Variants in PRDM5 observed in about 807,000 individuals in gnomAD.
PRDM5 encodes PR domain zinc finger protein 5.
In PRDM5, 56 loss-of-function variants were observed where a neutral mutation model predicts 81.2. The observed-to-expected ratio is 0.69, with a 90% CI of 0.56 to 0.86. The LOEUF (loss-of-function observed/expected upper bound fraction) is 0.86. Among genes scored for constraint, PRDM5 ranks in the 40% least tolerant of loss-of-function variants. The pLI is 0.00. For missense variants in PRDM5, 697 were observed against 770.1 expected (o/e 0.91, Z 1.12); for synonymous variants, 267 against 256.4 (o/e 1.04, Z -0.39).
intron 14 of PRDM5, among the ~76,000 whole-genome samples, chr4:120,713,299 G>C (rs541371605): frequency 2.6e-4 from 40 of 151,878 alleles, no homozygotes; most frequent in Non-Finnish European, 5.2e-4. Context: ...TCATCTTTTT[G>C]CTTTCAAACA....
intron 2 of PRDM5, among the ~76,000 whole-genome samples, chr4:120,888,521 C>T (rs141491796): frequency 2.6e-5 from 4 of 152,112 alleles, no homozygotes; most frequent in South Asian, 2.1e-4. Flanking sequence ...TACTAGTATA[C>T]GGACATTTGT....
intron 14 of PRDM5, among the ~76,000 whole-genome samples, chr4:120,738,170 C>G (rs1741392558): frequency 6.6e-6 from 1 of 152,208 alleles, no homozygotes. Context: ...TAATCTTAAG[C>G]AGAGATCACC....
rs186157429 is a variant in PRDM5, at chr4:120,891,868, G to A, written c.177+15606C>T. Among the ~76,000 whole-genome samples the A allele has an allele frequency of 9.5e-4, 145 of 152,212 alleles. 1 individual carries two copies. The highest frequency in any genetic ancestry group is 3.2e-3 in the African/African-American group (133 of 41,530). ...TGTTCTCGAACTCCTGACCTCAAGC[G>A]ATCCACCTGCCTCGGTCTCCCAAAG... On this transcript the variant is annotated intron_variant, in intron 2 of 15. Coordinates refer to ENST00000264808, the MANE Select transcript of PRDM5 (RefSeq NM_018699.4).
intron 2 of PRDM5, among the ~76,000 whole-genome samples, chr4:120,868,410 C>T (rs543587464): frequency 2.6e-4 from 40 of 152,252 alleles, no homozygotes; most frequent in African/African-American, 9.4e-4. Context: ...AACAACTTTA[C>T]ATAAGTACAA....
intron 1 of PRDM5, among the ~76,000 whole-genome samples, chr4:120,920,213 A>T (rs1579249017): frequency 1.3e-5 from 2 of 152,228 alleles, no homozygotes; most frequent in African/African-American, 2.4e-5. Flanking sequence ...AGATTCTCTG[A>T]ATTTGAAATC....
intron 8 of PRDM5, among the ~76,000 whole-genome samples, chr4:120,811,159 T>C (rs781630406): frequency 1.4e-5 from 2 of 147,286 alleles, no homozygotes; most frequent in Non-Finnish European, 3.0e-5. Flanking sequence ...GACCTTGTCA[T>C]AACAAGAGCA....
At chr4:120,903,830 G>C (rs1010925890) in intron 2 of PRDM5, among the ~76,000 whole-genome samples, 3 of 152,120 alleles carry the variant, frequency 2.0e-5, no homozygotes, top group African/African-American at 7.2e-5. Flanking sequence ...ACATGCCTCT[G>C]CTTCTCCTTT....
intron 7 of PRDM5, among the ~76,000 whole-genome samples, chr4:120,814,143 T>G (rs1754198316): frequency 6.6e-6 from 1 of 152,188 alleles, no homozygotes; most frequent in African/African-American, 2.4e-5. Context: ...AAAGTCTCTT[T>G]GTCAGCAACC....
chr4:120,785,168 A>C, intron 10 of PRDM5, 77 bp from the exon 11 acceptor site: 1 of 1,122,680 alleles, frequency 8.9e-7, no homozygotes, highest in South Asian at 1.2e-5. Context: ...GCTTGGATTC[A>C]TGATGCGAAA....
downstream of PRDM5, among the ~76,000 whole-genome samples, chr4:120,689,043 C>A (rs570336454): frequency 6.6e-6 from 1 of 152,204 alleles, no homozygotes; most frequent in East Asian, 1.9e-4. Context: ...TGGTAAACAA[C>A]AAGTCATCTG....
chr4:120,771,135 T>A (rs2149209519), intron 13 of PRDM5, among the ~76,000 whole-genome samples: 1 of 152,264 alleles, frequency 6.6e-6, no homozygotes, highest in South Asian at 2.1e-4. Context: ...GTTAAATATG[T>A]AGGATCTTTT....
chr4:120,774,639 G>A (rs913793884), intron 13 of PRDM5, among the ~76,000 whole-genome samples: 2 of 152,132 alleles, frequency 1.3e-5, no homozygotes, highest in African/African-American at 4.8e-5. Flanking sequence ...AGGCCCAGAT[G>A]CCAGCCACCA....
At chr4:120,898,266 A>G (rs778926877) in intron 2 of PRDM5, among the ~76,000 whole-genome samples, 5 of 152,224 alleles carry the variant, frequency 3.3e-5, no homozygotes, top group Non-Finnish European at 7.3e-5. Context: ...CAGCAAGATG[A>G]GACCACAGAA....
chr4:120,839,268 T>C (rs1195805520), intron 3 of PRDM5: 1 of 703,062 alleles, frequency 1.4e-6, no homozygotes, highest in Admixed American at 2.0e-5. Flanking sequence ...GGTCCCAAAT[T>C]CTTGTCCTGT....
intron 1 of PRDM5, among the ~76,000 whole-genome samples, chr4:120,915,391 C>T (rs1724016615): frequency 6.6e-6 from 1 of 152,170 alleles, no homozygotes; most frequent in Admixed American, 6.5e-5. Flanking sequence ...AAGCCCCAGA[C>T]CCAAGAGATG....
At chr4:120,706,761 T>A (rs1221596949) in intron 15 of PRDM5, among the ~76,000 whole-genome samples, 2 of 30,762 alleles carry the variant, frequency 6.5e-5, no homozygotes, top group African/African-American at 1.8e-4. Flanking sequence ...ATAAATTTTA[T>A]ATATATATAT....
At chr4:120,719,451 A>G (rs1056535623) in intron 14 of PRDM5, among the ~76,000 whole-genome samples, 8 of 152,316 alleles carry the variant, frequency 5.3e-5, no homozygotes, top group African/African-American at 1.9e-4. Context: ...TTTATCATAG[A>G]CCAGAAATAA....
intron 14 of PRDM5, among the ~76,000 whole-genome samples, chr4:120,736,235 GTGTGTA>G (rs1741110184): frequency 1.6e-5 from 2 of 125,660 alleles, no homozygotes; most frequent in Non-Finnish European, 3.5e-5. Context: ...GTGTGTGTGT[GTGTGTA>G]TCACATTTTC....
intron 12 of PRDM5, among the ~76,000 whole-genome samples, chr4:120,780,428 AG>A (rs67681598): frequency 0.054 from 8,201 of 152,220 alleles, 350 homozygotes; most frequent in Middle Eastern, 0.15. Context: ...TGGGCAACAG[AG>A]CGAGACTCTG....
Sources: allele counts gnomAD v4.1 joint callset (sites outside exome capture counted in the v4.1 genomes callset), GRCh38; gene constraint gnomAD v4.1.1; transcripts MANE v1.5; gene names NCBI Gene and HGNC (gene_info 2026-07-23, HGNC 2026-07-21).